Variants in TMEM132B observed in about 807,000 individuals in gnomAD.
The protein encoded by TMEM132B is transmembrane protein 132B.
A neutral mutation model predicts 90.8 loss-of-function variants in TMEM132B; 18 were observed. That is an observed-to-expected ratio of 0.20 (90% confidence interval 0.14 to 0.29). The LOEUF (loss-of-function observed/expected upper bound fraction) is 0.29. TMEM132B is among the 10% of genes least tolerant of loss of function. The pLI is 1.00. For missense variants in TMEM132B, 1,096 were observed against 1,326.8 expected, an observed-to-expected ratio of 0.83 and a Z score of 2.70; for synonymous variants, 504 against 523.3, an observed-to-expected ratio of 0.96 and a Z score of 0.50.
At chr12:125,299,563 G>A (rs1028957826) in intron 1 of TMEM132B, among the ~76,000 whole-genome samples, 10 of 152,180 alleles carry the variant, frequency 6.6e-5, no homozygotes, top group Non-Finnish European at 1.0e-4. Context: ...GCCTTCAGGA[G>A]CCACCTCTAG....
chr12:125,489,147 T>C (rs1257502284), intron 3 of TMEM132B, among the ~76,000 whole-genome samples: 6 of 152,218 alleles, frequency 3.9e-5, no homozygotes, highest in African/African-American at 1.4e-4. Context: ...TGGGTTTGCC[T>C]ACATAAGCTT....
intron 3 of TMEM132B, among the ~76,000 whole-genome samples, chr12:125,426,104 A>T (rs1302876257): frequency 6.6e-6 from 1 of 152,246 alleles, no homozygotes; most frequent in Non-Finnish European, 1.5e-5. Flanking sequence ...ATCCTTGCTA[A>T]CATTTAGTGT....
At chr12:125,307,435 G>A (rs961097388) in intron 1 of TMEM132B, among the ~76,000 whole-genome samples, 17 of 152,074 alleles carry the variant, frequency 1.1e-4, no homozygotes, top group African/African-American at 4.1e-4. Context: ...TGTACTTTGG[G>A]ATCCTTCCTG....
intron 1 of TMEM132B, among the ~76,000 whole-genome samples, chr12:125,205,107 C>T (rs1207580318): frequency 6.6e-6 from 1 of 151,212 alleles, no homozygotes; most frequent in African/African-American, 2.4e-5. Context: ...CTCCGTGTAC[C>T]AGGCACTGTG....
At position 125,492,994 on chromosome 12, in the gene TMEM132B, A is replaced by G. The variant is rs549503124; in HGVS notation, c.1107-26445A>G. On this transcript the variant is annotated intron_variant, in intron 3 of 8. Transcript: ENST00000682704. This position sits in a 1 kb window ranked among gnomAD's most constrained non-coding sequence, Gnocchi z 5.8. ...CTCTGAGAAAGGGAGGTGGCACTCC[A>G]TATCAGGACTAGTGGAGTTACGGAG... Among the ~76,000 whole-genome samples, 27 of 152,348 alleles carry G rather than the reference A, an allele frequency of 1.8e-4. No individual in the cohort carries two copies. The highest frequency in any genetic ancestry group is 5.3e-4 in the African/African-American group (22 of 41,588).
chr12:125,278,785 A>G (rs10846856), intron 1 of TMEM132B, among the ~76,000 whole-genome samples: 23,904 of 152,060 alleles, frequency 0.16, 2,374 homozygotes, highest in African/African-American at 0.28. Flanking sequence ...ACTTAAAAAT[A>G]CAGCAGAAAA....
At chr12:125,491,470 C>A (rs1010744186) in intron 3 of TMEM132B, among the ~76,000 whole-genome samples, 2 of 152,162 alleles carry the variant, frequency 1.3e-5, no homozygotes, top group African/African-American at 2.4e-5. Flanking sequence ...AACCAAACTT[C>A]CTTCAAAGCC....
At chr12:125,392,954 G>A (rs1031048520) in intron 2 of TMEM132B, among the ~76,000 whole-genome samples, 4 of 152,184 alleles carry the variant, frequency 2.6e-5, no homozygotes, top group Admixed American at 2.6e-4. Flanking sequence ...CCCGTGATCC[G>A]ATGCCAGCTT....
At chr12:125,551,640 T>G (rs74457618) in intron 4 of TMEM132B, among the ~76,000 whole-genome samples, 1 of 150,942 alleles carries the variant, frequency 6.6e-6, no homozygotes, top group Non-Finnish European at 1.5e-5. Flanking sequence ...TTTAACCTTT[T>G]CTCTTTTCAT....
chr12:125,291,638 G>A (rs1875543369), intron 1 of TMEM132B, among the ~76,000 whole-genome samples: 1 of 152,194 alleles, frequency 6.6e-6, no homozygotes, highest in African/African-American at 2.4e-5. Flanking sequence ...AGGATCCTGA[G>A]CTCCAGATGA....
intron 1 of TMEM132B, among the ~76,000 whole-genome samples, chr12:125,288,462 C>CAA (rs11423298): frequency 0.048 from 4,896 of 102,568 alleles, 214 homozygotes; most frequent in African/African-American, 0.095. Flanking sequence ...GACTCCATCT[C>CAA]AAAAAAAAAA....
Position 125,501,892 on chromosome 12 carries a change from C to T in TMEM132B, c.1107-17547C>T, listed in dbSNP as rs118186157. ...GATGTAAGAGGACACTTCTGCAAAC[C>T]CATGAGGAATAACCGTTCAGGTGTA... On this transcript the variant is annotated intron_variant, in intron 3 of 8. Coordinates refer to ENST00000682704, the MANE Select transcript of TMEM132B (RefSeq NM_001366854.1). 4.2e-4 allele frequency among the ~76,000 whole-genome samples: 64 copies of T among 152,260 alleles called. 1 individual carries two copies. In the East Asian group the frequency reaches 0.011, roughly 27 times the overall value.
At chr12:125,399,522 G>A (rs1879256313) in intron 2 of TMEM132B, among the ~76,000 whole-genome samples, 2 of 148,612 alleles carry the variant, frequency 1.3e-5, no homozygotes, top group African/African-American at 5.0e-5. Flanking sequence ...TGTGTGTATT[G>A]AGGGATGGGC....
intron 5 of TMEM132B, among the ~76,000 whole-genome samples, chr12:125,599,493 C>T (rs537802428): frequency 8.4e-4 from 128 of 152,186 alleles, no homozygotes; most frequent in African/African-American, 2.9e-3. Flanking sequence ...CTGACTCTTA[C>T]GCTCTCTGTG....
chr12:125,587,508 T>C (rs1885209300), intron 5 of TMEM132B: 1 of 152,188 alleles, frequency 6.6e-6, no homozygotes, highest in Non-Finnish European at 1.5e-5. Flanking sequence ...CAGTTTCTTA[T>C]GAAAAATCAC....
At chr12:125,452,856 G>T (rs1881190728) in intron 3 of TMEM132B, among the ~76,000 whole-genome samples, 2 of 151,848 alleles carry the variant, frequency 1.3e-5, no homozygotes, top group South Asian at 2.1e-4. Flanking sequence ...TACATATTTT[G>T]GATATTCATT....
At chr12:125,539,980 T>C (rs1177713637) in intron 4 of TMEM132B, among the ~76,000 whole-genome samples, 3 of 152,230 alleles carry the variant, frequency 2.0e-5, no homozygotes, top group Non-Finnish European at 4.4e-5. Context: ...TTTAGTGCTA[T>C]AAATTTTCCC....
At chr12:125,640,798 G>C (rs909813215) in intron 5 of TMEM132B, among the ~76,000 whole-genome samples, 3 of 152,160 alleles carry the variant, frequency 2.0e-5, no homozygotes, top group African/African-American at 7.2e-5. Flanking sequence ...TTACTGCATT[G>C]AAAGGAGAGT....
intron 3 of TMEM132B, among the ~76,000 whole-genome samples, chr12:125,515,834 TCACACA>T (rs62732463): frequency 6.6e-6 from 1 of 151,662 alleles, no homozygotes; most frequent in Non-Finnish European, 1.5e-5. Context: ...ACACATTCTG[TCACACA>T]CACACCTCCA....
Sources: gnomAD v4.1 joint callset for allele counts (sites outside exome capture counted in the v4.1 genomes callset) on GRCh38, gnomAD v4.1.1 for gene constraint, Gnocchi (gnomAD v3.1) non-coding constraint, MANE v1.5 for transcripts, NCBI Gene and HGNC (gene_info 2026-07-23, HGNC 2026-07-21) for gene names.